Variants in PLIN1 observed in about 807,000 individuals in gnomAD.
PLIN1 encodes the protein perilipin 1.
A neutral mutation model predicts 45.8 loss-of-function variants in PLIN1; 37 were observed. The observed-to-expected ratio is 0.81, with a 90% CI of 0.62 to 1.06. The LOEUF (loss-of-function observed/expected upper bound fraction) is 1.06, where lower values mean the gene tolerates loss of function less well. PLIN1 is among the 50% of genes least tolerant of loss of function. The pLI is 0.00. For synonymous variants in PLIN1, 340 were observed against 309.2 expected (o/e 1.10, Z -1.05); for missense variants, 776 against 716.5 (o/e 1.08, Z -0.95).
At chr15:89,670,408 G>A (rs1231659083) in intron 4 of PLIN1, among the ~76,000 whole-genome samples, 164 bp from the exon 5 acceptor site, 1 of 152,196 alleles carries the variant, frequency 6.6e-6, no homozygotes. Context: ...CTGGGCTTTA[G>A]AGGAGAGGGC....
chr15:89,671,413 T>C (rs891098917), intron 4 of PLIN1, 69 bp downstream of exon 4: 102 of 1,113,894 alleles, frequency 9.2e-5, no homozygotes, highest in Non-Finnish European at 1.3e-4. Flanking sequence ...CAGCAGCCCC[T>C]GCCCTCTCCT....
rs1177689024 is a variant in PLIN1 at position 89,665,845 on chromosome 15, G to A, written c.1307C>T (p.Ser436Phe). 61 of 1,467,036 alleles carry A rather than the reference G, an allele frequency of 4.2e-5. No homozygotes were observed. The highest frequency in any genetic ancestry group is 5.1e-5 in the Non-Finnish European group (57 of 1,111,826). 90.9% of individuals were successfully genotyped at this position (1,467,036 alleles called of 1,614,324 possible). Reference sequence around the variant, plus strand: ...CTCCGGGCCGGCGGACGGCGCCCCAGACGCTCTGCGCTCCGCCTCCCGGCG... The same window carrying A: ...CTCCGGGCCGGCGGACGGCGCCCCAAACGCTCTGCGCTCCGCCTCCCGGCG... ...VERREAERRA[S>F]GAPSAGPEPA... Residue 436 changes from serine to phenylalanine, a missense_variant, in exon 9 of 9, where the codon TCT becomes TTT. Transcript: ENST00000300055.
Position 89,670,067 on chromosome 15 carries a change from G to A in PLIN1, c.511C>T (p.Arg171Ter), listed in dbSNP as rs560734936. 9.3e-6 allele frequency: 15 copies of A among 1,614,068 alleles called. No homozygotes were observed. The Admixed American group carries it at 1.3e-4, about 14-fold the overall frequency. Residue 171 changes from arginine (R) to a stop codon, truncating the protein, a stop_gained, in exon 5 of 9, where the codon CGA (arginine) becomes TGA (stop). Transcript: ENST00000300055. LOFTEE classifies it high-confidence loss of function. ...AAGTCGGCCCCTCCAGAAGCCAGTC[G>A]GCCAGCTCGAGTGTTGGCAGCAAAT... ...AEFAANTRAG[R>*]LASGGADLAL...
chr15:89,670,066 C>A lies in PLIN1; in HGVS notation c.512G>T (p.Arg171Leu), dbSNP rs759835059. The A allele has an allele frequency of 6.2e-7, 1 of 1,614,116 alleles. No individual in the cohort carries two copies. The highest frequency in any genetic ancestry group is 8.5e-7 in the Non-Finnish European group (1 of 1,180,020). Residue 171 changes from arginine to leucine, a missense_variant, in exon 5 of 9, where the codon CGA becomes CTA. Arg to Leu is a moderately radical substitution (Grantham distance 102). Transcript: ENST00000300055. The stretch of plus-strand genomic sequence containing the variant: ...CAAGTCGGCCCCTCCAGAAGCCAGT[C>A]GGCCAGCTCGAGTGTTGGCAGCAAA... ...AEFAANTRAG[R>L]LASGGADLAL...
chr15:89,677,415 C>T (rs1182157204), intron 2 of PLIN1, 30 bp downstream of exon 2: 1 of 1,590,068 alleles, frequency 6.3e-7, no homozygotes, highest in Non-Finnish European at 8.6e-7. Context: ...GTTGTCCATC[C>T]CCTGTCACAG....
intron 4 of PLIN1, among the ~76,000 whole-genome samples, chr15:89,671,056 G>A (rs1964431598): frequency 6.6e-6 from 1 of 152,192 alleles, no homozygotes; most frequent in Non-Finnish European, 1.5e-5. Flanking sequence ...CAGGTAAAGT[G>A]ACCTTCAATC....
intron 3 of PLIN1, among the ~76,000 whole-genome samples, chr15:89,672,832 G>A (rs562824828): frequency 3.3e-4 from 51 of 152,306 alleles, no homozygotes; most frequent in African/African-American, 1.1e-3. Flanking sequence ...AGTGCCGGCT[G>A]CCTCTGCCTC....
At chr15:89,670,497 C>G (rs1174386847) in intron 4 of PLIN1, among the ~76,000 whole-genome samples, 1 of 152,332 alleles carries the variant, frequency 6.6e-6, no homozygotes, top group East Asian at 1.9e-4. Context: ...TCCCTCCCAT[C>G]CTGTGAGGAT....
At chr15:89,667,473 G>C in intron 7 of PLIN1, 129 bp downstream of exon 7, 1 of 1,406,968 alleles carries the variant, frequency 7.1e-7, no homozygotes, top group African/African-American at 1.4e-5. Context: ...TTGGGGGTGG[G>C]GTGAAGGGTG....
intron 1 of PLIN1, chr15:89,678,073 A>C (rs534257342): frequency 6.6e-6 from 1 of 152,312 alleles, no homozygotes; most frequent in East Asian, 2.0e-4. Context: ...TTGTATTTTT[A>C]GTAGAGATGG....
At position 89,667,181 on chromosome 15, in the gene PLIN1, C is replaced by T. The variant is rs1290635108; in HGVS notation, c.964G>A (p.Val322Ile). 1 of 1,613,024 alleles carries T rather than the reference C, an allele frequency of 6.2e-7. No homozygotes were observed. Among genetic ancestry groups the T allele is most frequent in the Admixed American group, 1.7e-5 (1 of 60,014 alleles). Residue 322 changes from valine (V) to isoleucine (I), a missense_variant and splice_region_variant, in exon 8 of 9, where the codon GTA becomes ATA. Transcript: ENST00000300055. ...CCTCGAGGGCCTGGCAGGGCTGCTA[C>T]CTGGGGGCCAAAGCAGGGTCAGTGC... ...LETEENKFSE[V>I]AALPGPRGLL...
At chr15:89,669,703 A>G (rs1273393927) in intron 5 of PLIN1, 31 bp from the exon 6 acceptor site, 1 of 1,607,424 alleles carries the variant, frequency 6.2e-7, no homozygotes, top group East Asian at 2.2e-5. Flanking sequence ...AAAGAAGAGA[A>G]AACAGGTCAG....
At chr15:89,670,751 T>G (rs575278224) in intron 4 of PLIN1, among the ~76,000 whole-genome samples, 3 of 152,326 alleles carry the variant, frequency 2.0e-5, no homozygotes, top group African/African-American at 7.2e-5. Context: ...CACAGCTGAA[T>G]AGACCTGCTC....
At position 89,664,754 on chromosome 15, in the gene PLIN1, T is replaced by A. The variant is rs1198510375; in HGVS notation, c.*829A>T. The stretch of plus-strand genomic sequence containing the variant: ...ACATCCTTTTGCAATATTTGAATTC[T>A]GTAATTGTATGAATGCATTTTCTAG... On this transcript the variant is annotated 3_prime_UTR_variant, in exon 9 of 9. Transcript: ENST00000300055. 1 of 421,116 alleles carries A rather than the reference T, an allele frequency of 2.4e-6. No homozygotes were observed. 26.1% of individuals were successfully genotyped at this position (421,116 alleles called of 1,614,324 possible).
chr15:89,672,746 T>C (rs1165003356), intron 3 of PLIN1, among the ~76,000 whole-genome samples: 1 of 152,210 alleles, frequency 6.6e-6, no homozygotes, highest in African/African-American at 2.4e-5. Flanking sequence ...CCACCCGTCA[T>C]GAGCCGCTAC....
chr15:89,677,831 A>C (rs1596045148), intron 1 of PLIN1: 2 of 233,726 alleles, frequency 8.6e-6, no homozygotes, highest in East Asian at 8.5e-5. Context: ...GCTCACTACA[A>C]CCTCCGCCTC....
At chr15:89,666,841 A>G (rs1196688304) in intron 8 of PLIN1, 95 bp downstream of exon 8, 2 of 1,425,776 alleles carry the variant, frequency 1.4e-6, no homozygotes, top group Non-Finnish European at 9.8e-7. Flanking sequence ...AGTAGGGGAA[A>G]GGAGGGGGAC....
At chr15:89,674,766 A>T (rs1348484288) in intron 2 of PLIN1, among the ~76,000 whole-genome samples, 1 of 152,104 alleles carries the variant, frequency 6.6e-6, no homozygotes, top group East Asian at 1.9e-4. Flanking sequence ...CCATCATGTT[A>T]AATGGCTCCA....
chr15:89,670,343 G>T, intron 4 of PLIN1, 99 bp from the exon 5 acceptor site: 1 of 1,290,340 alleles, frequency 7.7e-7, no homozygotes, highest in Non-Finnish European at 1.1e-6. Context: ...TCCCAGGAAG[G>T]CATCACCTAA....
Sources: allele counts gnomAD v4.1 joint callset (sites outside exome capture counted in the v4.1 genomes callset), GRCh38; gene constraint gnomAD v4.1.1; transcripts MANE v1.5; gene names NCBI Gene and HGNC (gene_info 2026-07-23, HGNC 2026-07-21).